The following PCDHA10 variants were observed in gnomAD, a reference collection of about 807,000 sequenced individuals.
PCDHA10 encodes the protein protocadherin alpha-10.
In PCDHA10, 45 loss-of-function variants were observed where a neutral mutation model predicts 61.2. That is an observed-to-expected ratio of 0.74 (90% CI 0.58 to 0.94). PCDHA10 has a LOEUF of 0.94. Ranked by LOEUF, PCDHA10 falls within the 40% of genes least tolerant of loss-of-function variation. The probability of loss-of-function intolerance (pLI) is 0.00; values close to 1 mark genes in which losing one functional copy is unlikely to be tolerated. For missense variants in PCDHA10, 1,278 were observed against 1,236.2 expected (o/e 1.03, Z -0.51); for synonymous variants, 602 against 548.8 (o/e 1.10, Z -1.35).
rs376697527 is a variant in PCDHA10, at chr5:140,912,219, T to G, written c.2388+53783T>G. ...CCCAGATTGAGGGTAGATCTGCCTT[T>G]CCCAGTCCACTGACTCAAATGTTAA... On this transcript the variant is annotated intron_variant, in intron 1 of 3. Transcript: ENST00000307360. 4.3e-4 allele frequency among the ~76,000 whole-genome samples: 66 copies of G among 152,026 alleles called. 1 individual carries two copies. In the South Asian group the frequency reaches 0.013, roughly 30 times the overall value.
chr5:140,875,556 C>T (rs781896642), intron 1 of PCDHA10: 4 of 1,614,128 alleles, frequency 2.5e-6, no homozygotes, highest in South Asian at 2.2e-5. Context: ...AGGTGGGGAG[C>T]GGCCAGCTCC....
Position 140,857,221 on chromosome 5 carries a change from C to T in PCDHA10, c.1173C>T (p.His391=). 6.3e-7 allele frequency: 1 copy of T among 1,598,474 alleles called. No individual in the cohort carries two copies. The highest frequency in any genetic ancestry group is 1.1e-5 in the South Asian group (1 of 90,546). ...NGQVTCSLTP[H]VPFKLVSTYK... is the part of the protein sequence containing the mutation. ...AGGTCACCTGCTCTCTGACGCCTCACGTTCCGTTCAAGCTGGTGTCCACCT... is the reference window on the plus strand; with the variant it reads ...AGGTCACCTGCTCTCTGACGCCTCATGTTCCGTTCAAGCTGGTGTCCACCT... Residue 391 remains histidine, a synonymous_variant, in exon 1 of 4, where the codon CAC becomes CAT. Coordinates refer to ENST00000307360, the MANE Select transcript of PCDHA10 (RefSeq NM_018901.4).
At position 140,905,743 on chromosome 5, in the gene PCDHA10, C is replaced by G. The variant is rs550937383; in HGVS notation, c.2388+47307C>G. On this transcript the variant is annotated intron_variant, in intron 1 of 3. Coordinates refer to ENST00000307360, the MANE Select transcript of PCDHA10 (RefSeq NM_018901.4). ...GTTTTGTAGTTTTCCTTGTAGAGAT[C>G]TTTCACCTCCTTGGTTAAGTATATT... Among the ~76,000 whole-genome samples, 7 of 152,232 alleles carry G rather than the reference C, an allele frequency of 4.6e-5. No individual in the cohort carries two copies. In the South Asian group the frequency reaches 1.0e-3, roughly 23 times the overall value.
rs782072957 is a variant in PCDHA10, at chr5:140,870,352, G to T, written c.2388+11916G>T. On this transcript the variant is annotated intron_variant, in intron 1 of 3. Coordinates refer to ENST00000307360, the MANE Select transcript of PCDHA10 (RefSeq NM_018901.4). ...GGACAGCGCCCTGGACCGCGAGAAC[G>T]TGTGGGCCTATGAACTGGTGGTGAC... 9.9e-6 allele frequency: 16 copies of T among 1,614,226 alleles called. No individual in the cohort carries two copies. The South Asian group carries it at 1.3e-4, about 13-fold the overall frequency.
chr5:141,001,022 T>C (rs2097984457), intron 3 of PCDHA10, among the ~76,000 whole-genome samples: 1 of 152,250 alleles, frequency 6.6e-6, no homozygotes, highest in Non-Finnish European at 1.5e-5. Context: ...TATACACTTA[T>C]AATAATAGCT....
intron 1 of PCDHA10, among the ~76,000 whole-genome samples, chr5:140,944,370 A>G (rs1554216325): frequency 6.6e-6 from 1 of 151,966 alleles, no homozygotes; most frequent in Admixed American, 6.6e-5. Flanking sequence ...AATTTTTTAT[A>G]GAGATGGAGT....
intron 1 of PCDHA10, chr5:140,865,257 T>G (rs1250591902): frequency 6.6e-6 from 1 of 152,240 alleles, no homozygotes; most frequent in Non-Finnish European, 1.5e-5. Flanking sequence ...TGTAAGGATG[T>G]GTATCAAATT....
At chr5:140,945,206 A>G (rs148955371) in intron 1 of PCDHA10, among the ~76,000 whole-genome samples, 1 of 152,282 alleles carries the variant, frequency 6.6e-6, no homozygotes, top group East Asian at 1.9e-4. Context: ...TACAATAGCT[A>G]TGAGAAAATA....
In PCDHA10 at chr5:140,872,619, G is replaced by A. The variant is rs571473600; in HGVS notation, c.2388+14183G>A. On this transcript the variant is annotated intron_variant, in intron 1 of 3. Transcript: ENST00000307360. ...TCTGAAAAAATAATTTTTTTTGCCT[G>A]TTCTTGATTTTGTTCCATGAAAAGG... Among the ~76,000 whole-genome samples, 128 of 152,108 alleles carry A rather than the reference G, an allele frequency of 8.4e-4. 1 individual carries two copies. The highest frequency in any genetic ancestry group is 3.4e-3 in the Middle Eastern group (1 of 294).
intron 1 of PCDHA10, chr5:140,928,252 G>C (rs1377533547): frequency 2.5e-6 from 4 of 1,614,208 alleles, no homozygotes; most frequent in Non-Finnish European, 3.4e-6. Flanking sequence ...GGAACTTTTC[G>C]TTGCTGAAAA....
chr5:141,010,152 T>C lies in PCDHA10; in HGVS notation c.*215T>C. The C allele has an allele frequency of 1.3e-6, 2 of 1,575,858 alleles. No individual in the cohort carries two copies. The highest frequency in any genetic ancestry group is 1.7e-6 in the Non-Finnish European group (2 of 1,159,570). On this transcript the variant is annotated 3_prime_UTR_variant, in exon 4 of 4. Coordinates refer to ENST00000307360, the MANE Select transcript of PCDHA10 (RefSeq NM_018901.4). ...TGGTGTTAACTCTTTCTCTCCACTCTGGCTTGTTTTCAGAACCTAAAAAGC... is the reference window on the plus strand; with the variant it reads ...TGGTGTTAACTCTTTCTCTCCACTCCGGCTTGTTTTCAGAACCTAAAAAGC...
chr5:140,882,127 C>A (rs2058964637), intron 1 of PCDHA10: 23 of 1,464,566 alleles, frequency 1.6e-5, no homozygotes, highest in Admixed American at 4.6e-5. Flanking sequence ...TTTCTTTCTT[C>A]CTGCAGAAAA....
intron 1 of PCDHA10, among the ~76,000 whole-genome samples, chr5:140,947,275 T>C (rs246050): frequency 1.3e-5 from 2 of 151,244 alleles, no homozygotes; most frequent in Non-Finnish European, 3.0e-5. Flanking sequence ...GAAAATACTT[T>C]TTCTTTTTAT....
At chr5:140,959,859 T>A (rs2095514385) in intron 1 of PCDHA10, among the ~76,000 whole-genome samples, 1 of 152,192 alleles carries the variant, frequency 6.6e-6, no homozygotes, top group South Asian at 2.1e-4. Context: ...AGGAATTATG[T>A]AGCAAAATCT....
chr5:140,871,716 C>G (rs1315028077), intron 1 of PCDHA10: 6 of 796,846 alleles, frequency 7.5e-6, no homozygotes, highest in Non-Finnish European at 1.1e-5. Flanking sequence ...TGTCCTATTT[C>G]TCTTAATATT....
intron 1 of PCDHA10, chr5:140,884,480 A>G (rs782532542): frequency 6.2e-7 from 1 of 1,613,780 alleles, no homozygotes; most frequent in South Asian, 1.1e-5. Context: ...GGGCAAGCCC[A>G]CTCTAGTGTG....
At chr5:141,006,105 G>GT (rs79904017) in intron 3 of PCDHA10, among the ~76,000 whole-genome samples, 4,283 of 143,138 alleles carry the variant, frequency 0.03, 125 homozygotes, top group African/African-American at 0.081. Flanking sequence ...ATGGTAAGGA[G>GT]TTTTTTTTTT....
intron 3 of PCDHA10, among the ~76,000 whole-genome samples, chr5:140,997,129 C>A (rs983112049): frequency 6.6e-6 from 1 of 151,976 alleles, no homozygotes; most frequent in Non-Finnish European, 1.5e-5. Flanking sequence ...ATACACAATG[C>A]CCCCACACCC....
chr5:140,885,206 A>T (rs1304868227), intron 1 of PCDHA10, among the ~76,000 whole-genome samples: 1 of 152,038 alleles, frequency 6.6e-6, no homozygotes, highest in Admixed American at 6.6e-5. Context: ...CATATATCCC[A>T]TGAAAAATAT....
Sources: gnomAD v4.1 joint callset for allele counts (sites outside exome capture counted in the v4.1 genomes callset) on GRCh38, gnomAD v4.1.1 for gene constraint, MANE v1.5 for transcripts, NCBI Gene and HGNC (gene_info 2026-07-23, HGNC 2026-07-21) for gene names.